The following FAAH2 variants were observed in gnomAD, a reference collection of about 807,000 sequenced individuals.
FAAH2 encodes the protein fatty acid amide hydrolase 2, also known as fatty-acid amide hydrolase 2.
FAAH2 carries 60 observed loss-of-function variants against 36.9 expected under a neutral mutation model. The observed-to-expected ratio is 1.63, with a 90% CI of 1.32 to 2.02. The LOEUF is 2.02. Among genes scored for constraint, FAAH2 ranks in the 30% most tolerant of loss-of-function variants. FAAH2 has a pLI of 0.00. For missense variants in FAAH2, 689 were observed against 397.5 expected (o/e 1.73, Z -6.23); for synonymous variants, 214 against 143.8 (o/e 1.49, Z -3.49).
intron 7 of FAAH2, among the ~76,000 whole-genome samples, chrX:57,425,102 A>C (rs1267116732): frequency 8.9e-6 from 1 of 111,817 alleles, no homozygotes; most frequent in Non-Finnish European, 1.9e-5. Context: ...AACCTTCAAC[A>C]GTAGACTAGG....
chrX:57,461,431 A>G (rs1311064048), intron 10 of FAAH2, among the ~76,000 whole-genome samples: 1 of 111,898 alleles, frequency 8.9e-6, no homozygotes, highest in African/African-American at 3.3e-5. Context: ...AATGCAAAAG[A>G]TTGGAAATCA....
chrX:57,160,604 C>T, the FAAH2 span, among the ~76,000 whole-genome samples: 9 of 112,045 alleles, frequency 8.0e-5, no homozygotes, highest in Non-Finnish European at 1.5e-4. Flanking sequence ...TCCATTTCTT[C>T]TAGATTTTCT....
chrX:57,482,672 T>C (rs372608273), intron 10 of FAAH2, among the ~76,000 whole-genome samples: 1 of 107,825 alleles, frequency 9.3e-6, no homozygotes. Flanking sequence ...GCAGACCAGA[T>C]CTGCTTGTAT....
At chrX:57,253,138 A>G in the FAAH2 span, among the ~76,000 whole-genome samples, 1 of 111,729 alleles carries the variant, frequency 9.0e-6, no homozygotes, top group Non-Finnish European at 1.9e-5. Flanking sequence ...TCAATAGCCA[A>G]TTCGATAAAG....
the FAAH2 span, among the ~76,000 whole-genome samples, chrX:57,195,259 C>A: frequency 9.0e-6 from 1 of 111,690 alleles, no homozygotes; most frequent in South Asian, 3.7e-4. Flanking sequence ...TTCACCACAT[C>A]CACATCAACA....
chrX:57,323,533 T>C (rs2053100585), intron 3 of FAAH2, among the ~76,000 whole-genome samples: 1 of 111,749 alleles, frequency 8.9e-6, no homozygotes, highest in Admixed American at 9.5e-5. Flanking sequence ...TTCTAACTGG[T>C]GTGAGATGGT....
the FAAH2 span, among the ~76,000 whole-genome samples, chrX:57,243,341 C>G: frequency 8.9e-6 from 1 of 112,096 alleles, no homozygotes; most frequent in Admixed American, 9.4e-5. Context: ...GACAAATGTT[C>G]CTGCCTGCCA....
the FAAH2 span, among the ~76,000 whole-genome samples, chrX:57,262,648 TA>T: frequency 1.8e-5 from 2 of 111,391 alleles, no homozygotes; most frequent in Non-Finnish European, 3.8e-5. Flanking sequence ...CAAATCTAAA[TA>T]AAGATAGTCT....
the FAAH2 span, among the ~76,000 whole-genome samples, chrX:57,247,221 A>G: frequency 1.8e-5 from 2 of 111,521 alleles, no homozygotes; most frequent in Admixed American, 9.6e-5. Context: ...AGGGAAAAGA[A>G]CAGATAATGC....
chrX:57,388,779 T>A (rs1185249178), intron 7 of FAAH2, among the ~76,000 whole-genome samples: 1 of 111,150 alleles, frequency 9.0e-6, no homozygotes, highest in African/African-American at 3.3e-5. Context: ...TTCTCTCCAC[T>A]CCTACTGGAA....
chrX:57,310,845 C>T (rs2052672035), intron 3 of FAAH2, 116 bp downstream of exon 3: 1 of 789,023 alleles, frequency 1.3e-6, no homozygotes, highest in Admixed American at 3.8e-5. Flanking sequence ...GCTGCTTCCT[C>T]AGTTTGAAAT....
At position 57,290,395 on chromosome X, in the gene FAAH2, C is replaced by T. The variant is rs1432743433; in HGVS notation, c.193-2103C>T. On this transcript the variant is annotated intron_variant, in intron 1 of 10. Transcript: ENST00000374900. ...ATGGTGGCTGAAATCTCTGTCTGTG[C>T]ATGCATTTAACAAACATTTACTGAA... The T allele has an allele frequency of 6.9e-6, 3 of 436,507 alleles. No homozygotes were observed. The East Asian group carries it at 5.8e-4, about 85-fold the overall frequency. 36.0% of individuals were successfully genotyped at this position (436,507 alleles called of 1,213,427 possible).
the FAAH2 span, among the ~76,000 whole-genome samples, chrX:57,242,586 C>G: frequency 9.0e-6 from 1 of 111,375 alleles, no homozygotes; most frequent in African/African-American, 3.3e-5. Flanking sequence ...ACTGGTTAGA[C>G]AGTGGATGCA....
chrX:57,381,156 A>T (rs749647019), intron 7 of FAAH2, 127 bp downstream of exon 7: 9 of 426,638 alleles, frequency 2.1e-5, no homozygotes, highest in African/African-American at 5.3e-5. Context: ...CAGAACAGTT[A>T]TACTAAGGAA....
intron 8 of FAAH2, 49 bp downstream of exon 8, chrX:57,432,086 A>G (rs2056316128): frequency 3.7e-6 from 4 of 1,082,816 alleles, no homozygotes; most frequent in Non-Finnish European, 5.0e-6. Context: ...GTAAACATTT[A>G]TTGAGCTTCT....
the FAAH2 span, among the ~76,000 whole-genome samples, chrX:57,160,795 CT>C: frequency 8.9e-6 from 1 of 111,812 alleles, no homozygotes; most frequent in Non-Finnish European, 1.9e-5. Flanking sequence ...TTTTGTTGAT[CT>C]TTTCAAAAAA....
At chrX:57,412,820 A>G (rs1414185583) in intron 7 of FAAH2, among the ~76,000 whole-genome samples, 3 of 111,763 alleles carry the variant, frequency 2.7e-5, no homozygotes, top group African/African-American at 9.8e-5. Context: ...CAATGGTTGA[A>G]CTAATTGATA....
At chrX:57,209,752 A>G in the FAAH2 span, among the ~76,000 whole-genome samples, 4 of 110,926 alleles carry the variant, frequency 3.6e-5, no homozygotes, top group Admixed American at 2.9e-4. Flanking sequence ...CAGCACCAGG[A>G]CTCAACTGCA....
At chrX:57,148,838 A>G in the FAAH2 span, among the ~76,000 whole-genome samples, 11 of 111,587 alleles carry the variant, frequency 9.9e-5, no homozygotes, top group African/African-American at 2.9e-4. Context: ...GTCTTGTGCC[A>G]GTTTTCAAAG....
Sources: allele counts gnomAD v4.1 joint callset (sites outside exome capture counted in the v4.1 genomes callset), GRCh38; gene constraint gnomAD v4.1.1; transcripts MANE v1.5; gene names NCBI Gene and HGNC (gene_info 2026-07-23, HGNC 2026-07-21).